Variants in TNS3 observed in about 807,000 individuals in gnomAD.
The protein encoded by TNS3 is tensin 3, also known as tensin-3.
TNS3 carries 45 observed loss-of-function variants against 140.9 expected under a neutral mutation model. That is an observed-to-expected ratio of 0.32 (90% confidence interval 0.25 to 0.41). The LOEUF (loss-of-function observed/expected upper bound fraction) is 0.41. Ranked by LOEUF, TNS3 falls within the 10% of genes least tolerant of loss-of-function variation. The pLI, the probability that TNS3 is intolerant of heterozygous loss-of-function variation, is 1.00. For missense variants in TNS3, 1,716 were observed against 1,906.7 expected (o/e 0.90, Z 1.86); for synonymous variants, 815 against 788.4 (o/e 1.03, Z -0.56).
At chr7:47,423,450 C>T (rs1278571764) in intron 10 of TNS3, among the ~76,000 whole-genome samples, 1 of 152,202 alleles carries the variant, frequency 6.6e-6, no homozygotes, top group Non-Finnish European at 1.5e-5. Context: ...AGTTCTGCAC[C>T]CCACCATGAC....
At chr7:47,477,634 T>C (rs1034749270) in intron 4 of TNS3, among the ~76,000 whole-genome samples, 1 of 152,072 alleles carries the variant, frequency 6.6e-6, no homozygotes, top group Admixed American at 6.5e-5. Flanking sequence ...CAAAAACAGC[T>C]ATCAGGTGAC....
Position 47,277,895 on chromosome 7 carries a change from G to T in TNS3, c.*181C>A. The T allele has an allele frequency of 2.6e-6, 2 of 757,706 alleles. No individual in the cohort carries two copies. The highest frequency in any genetic ancestry group is 2.3e-6 in the Non-Finnish European group (1 of 437,020). The allele number at this position is 757,706 out of a possible 1,614,324, so 46.9% of individuals were successfully genotyped here. A position where few individuals can be genotyped will look rare whatever the true frequency, so the allele number is the denominator to read the frequency against. ...TGTCAGATAAGTCACTTTCAGGAAAGGCCAATTCACGGTGATGTTGTTTGT... is the reference window on the plus strand; with the variant it reads ...TGTCAGATAAGTCACTTTCAGGAAATGCCAATTCACGGTGATGTTGTTTGT... On this transcript the variant is annotated 3_prime_UTR_variant, in exon 31 of 31. Coordinates refer to ENST00000311160, the MANE Select transcript of TNS3 (RefSeq NM_022748.12).
intron 4 of TNS3, among the ~76,000 whole-genome samples, chr7:47,462,959 A>G (rs1013429477): frequency 6.6e-6 from 1 of 152,174 alleles, no homozygotes; most frequent in Non-Finnish European, 1.5e-5. Context: ...AAAACCTGAC[A>G]ATGAGGCTGT....
chr7:47,422,684 T>C (rs1794438795), intron 10 of TNS3, among the ~76,000 whole-genome samples: 1 of 151,938 alleles, frequency 6.6e-6, no homozygotes, highest in Admixed American at 6.6e-5. Flanking sequence ...CTTTTAATGT[T>C]ATAAACAAGC....
At chr7:47,404,324 T>C (rs1408553412) in intron 13 of TNS3, among the ~76,000 whole-genome samples, 1 of 152,238 alleles carries the variant, frequency 6.6e-6, no homozygotes, top group African/African-American at 2.4e-5. Flanking sequence ...ATGAGTATTA[T>C]GATATTGACC....
intron 4 of TNS3, among the ~76,000 whole-genome samples, chr7:47,473,709 C>T (rs1350532096): frequency 6.6e-6 from 1 of 152,164 alleles, no homozygotes; most frequent in South Asian, 2.1e-4. Context: ...CCACTGCAGG[C>T]TGGGGCCGGC....
Position 47,506,905 on chromosome 7 carries a change from A to T in TNS3, c.-115+2T>A. The T allele has an allele frequency of 7.8e-7, 1 of 1,289,604 alleles. No individual in the cohort carries two copies. Among genetic ancestry groups the T allele is most frequent in the Non-Finnish European group, 1.0e-6 (1 of 988,736 alleles). 79.9% of individuals were successfully genotyped at this position (1,289,604 alleles called of 1,614,324 possible). On this transcript the variant is annotated splice_donor_variant, in intron 3 of 30. Coordinates refer to ENST00000311160, the MANE Select transcript of TNS3 (RefSeq NM_022748.12). LOFTEE classifies it low-confidence loss of function (5UTR_SPLICE). ...CCCATGGGAAAGCAACGGAATGCTT[A>T]CCTTGGCTTCACATTTCTTGTGGCA...
At chr7:47,495,208 A>G (rs941784299) in intron 3 of TNS3, among the ~76,000 whole-genome samples, 21 of 151,890 alleles carry the variant, frequency 1.4e-4, no homozygotes, top group South Asian at 2.1e-4. Flanking sequence ...AAAAAAAAAA[A>G]AAAGAAACGT....
At chr7:47,457,077 C>G (rs897235304) in intron 4 of TNS3, among the ~76,000 whole-genome samples, 1 of 141,362 alleles carries the variant, frequency 7.1e-6, no homozygotes, top group Admixed American at 7.3e-5. Context: ...TCAATTCTTC[C>G]CATATCATTA....
At chr7:47,458,094 C>T (rs1305417020) in intron 4 of TNS3, among the ~76,000 whole-genome samples, 2 of 135,332 alleles carry the variant, frequency 1.5e-5, no homozygotes, top group African/African-American at 2.5e-5. Flanking sequence ...ACATACATGA[C>T]GTTTACACTA....
intron 17 of TNS3, among the ~76,000 whole-genome samples, chr7:47,358,541 G>A (rs1012550913): frequency 1.4e-4 from 22 of 152,192 alleles, no homozygotes; most frequent in African/African-American, 5.3e-4. Flanking sequence ...GAACATAAGT[G>A]TGGCCACAGG....
At chr7:47,415,244 G>A in intron 10 of TNS3, 38 bp from the exon 11 acceptor site, 2 of 1,464,024 alleles carry the variant, frequency 1.4e-6, no homozygotes, top group African/African-American at 1.4e-5. Context: ...TCCCAGAAGT[G>A]TCTTCAGCCT....
At chr7:47,375,843 T>A (rs543590554) in intron 16 of TNS3, among the ~76,000 whole-genome samples, 1 of 152,318 alleles carries the variant, frequency 6.6e-6, no homozygotes, top group East Asian at 1.9e-4. Flanking sequence ...TCCACTGAAC[T>A]GTCCACTGGC....
At chr7:47,309,986 T>C (rs1786994047) in intron 20 of TNS3, among the ~76,000 whole-genome samples, 1 of 152,224 alleles carries the variant, frequency 6.6e-6, no homozygotes, top group African/African-American at 2.4e-5. Flanking sequence ...AGGAGATCCA[T>C]GGCCATTTTT....
intron 2 of TNS3, among the ~76,000 whole-genome samples, chr7:47,507,715 G>A (rs1431726180): frequency 1.3e-5 from 2 of 152,314 alleles, no homozygotes; most frequent in East Asian, 3.9e-4. Flanking sequence ...CGGGCATGCT[G>A]CAGGCAGGCC....
Position 47,277,748 on chromosome 7 carries a change from A to G in TNS3, c.*328T>C, listed in dbSNP as rs2150516968. The G allele has an allele frequency of 2.6e-6, 1 of 382,540 alleles. No homozygotes were observed. The highest frequency in any genetic ancestry group is 3.8e-5 in the Admixed American group (1 of 26,358). 23.7% of individuals were successfully genotyped at this position (382,540 alleles called of 1,614,324 possible). ...CCCGGAATGCTAGTGTGCCAGGGAC[A>G]TGGGGACCACCTCGTGTTCTGTGCT... On this transcript the variant is annotated 3_prime_UTR_variant, in exon 31 of 31. Coordinates refer to ENST00000311160, the MANE Select transcript of TNS3 (RefSeq NM_022748.12).
chr7:47,573,249 G>A (rs1032705248), intron 1 of TNS3, among the ~76,000 whole-genome samples: 4 of 152,222 alleles, frequency 2.6e-5, no homozygotes, highest in Non-Finnish European at 5.9e-5. Context: ...AGCCAGCAGG[G>A]CAATGCCTTC....
At chr7:47,530,838 A>AAAAAAAT in intron 1 of TNS3, among the ~76,000 whole-genome samples, 15 of 54,562 alleles carry the variant, frequency 2.7e-4, no homozygotes, top group African/African-American at 1.2e-3. Flanking sequence ...AAAAAAAAAA[A>AAAAAAAT]ATATATATAT....
intron 4 of TNS3, among the ~76,000 whole-genome samples, chr7:47,462,890 A>G (rs1682115500): frequency 6.6e-6 from 1 of 152,192 alleles, no homozygotes; most frequent in African/African-American, 2.4e-5. Context: ...AGGCAGCCAG[A>G]AAGTGGGCTG....
Sources: allele counts gnomAD v4.1 joint callset (sites outside exome capture counted in the v4.1 genomes callset), GRCh38; gene constraint gnomAD v4.1.1; transcripts MANE v1.5; gene names NCBI Gene and HGNC (gene_info 2026-07-23, HGNC 2026-07-21).